TTK: variants seen among roughly 807,000 people sequenced by gnomAD.
TTK encodes the protein TTK protein kinase, also known as dual specificity protein kinase TTK.
A neutral mutation model predicts 117.3 loss-of-function variants in TTK; 59 were observed. The observed-to-expected ratio is 0.50, with a 90% CI of 0.41 to 0.62. The LOEUF is 0.62. Among genes scored for constraint, TTK ranks in the 20% least tolerant of loss-of-function variants. TTK has a pLI of 0.00. For missense variants in TTK, 921 were observed against 989.4 expected (o/e 0.93, Z 0.93); for synonymous variants, 302 against 325.0 (o/e 0.93, Z 0.76).
At chr6:80,040,818 C>A in intron 21 of TTK, 115 bp downstream of exon 21, 1 of 787,596 alleles carries the variant, frequency 1.3e-6, no homozygotes, top group Non-Finnish European at 2.0e-6. Flanking sequence ...AGTTATGAAA[C>A]ATGTTTCTAC....
Position 80,042,154 on chromosome 6 carries a change from T to C in TTK, c.2526T>C (p.His842=), listed in dbSNP as rs1373913644. The C allele has an allele frequency of 1.9e-6, 3 of 1,603,358 alleles. No individual in the cohort carries two copies. The South Asian group carries it at 3.3e-5, about 18-fold the overall frequency. ...LYEHYSGGES[H]NSSSSKTFEK... is the part of the protein sequence containing the mutation. ...AACACTATAGTGGTGGTGAAAGTCA[T>C]AATTCTTCATCCTCCAAGACTTTTG... is the stretch of plus-strand genomic sequence containing the variant. The change falls in exon 22 of 22, where the codon CAT becomes CAC. Residue 842 remains histidine, a synonymous_variant. Transcript: ENST00000369798.
chr6:80,040,132 C>T (rs1329192032), intron 19 of TTK, 64 bp from the exon 20 acceptor site: 1 of 1,250,210 alleles, frequency 8.0e-7, no homozygotes, highest in Non-Finnish European at 1.1e-6. Flanking sequence ...TGGAAAAATA[C>T]TTTATCAATA....
intron 16 of TTK, 119 bp from the exon 17 acceptor site, chr6:80,036,356 T>C: frequency 5.8e-6 from 7 of 1,208,488 alleles, no homozygotes; most frequent in Non-Finnish European, 7.9e-6. Flanking sequence ...TATAAAAAAA[T>C]TATTGAATTG....
chr6:80,017,376 C>A (rs1349121512), intron 10 of TTK, among the ~76,000 whole-genome samples: 1 of 152,194 alleles, frequency 6.6e-6, no homozygotes, highest in Non-Finnish European at 1.5e-5. Context: ...CTCCTGGGCA[C>A]AAGTGATCCT....
At position 80,022,469 on chromosome 6, in the gene TTK, A is replaced by C. The variant is rs1272414063; in HGVS notation, c.1254A>C (p.Thr418=). The C allele has an allele frequency of 6.2e-7, 1 of 1,612,184 alleles. No homozygotes were observed. Among genetic ancestry groups the C allele is most frequent in the South Asian group, 1.1e-5 (1 of 90,268 alleles). ...QIPELARKVN[T]EQKHTTFEQP... Reference sequence around the variant, plus strand: ...CGGAGTTAGCCCGAAAAGTTAATACAGAGGTAACTTTTCCACTAAAGTACA... The same window carrying C: ...CGGAGTTAGCCCGAAAAGTTAATACCGAGGTAACTTTTCCACTAAAGTACA... The change falls in exon 11 of 22, where the codon ACA becomes ACC. Residue 418 remains threonine, a synonymous_variant. Coordinates refer to ENST00000369798, the MANE Select transcript of TTK (RefSeq NM_003318.5).
intron 18 of TTK, among the ~76,000 whole-genome samples, chr6:80,039,386 G>A (rs1159685426): frequency 2.0e-4 from 1 of 4,906 alleles, no homozygotes; most frequent in Admixed American, 1.7e-3. Flanking sequence ...TAATTCTGGG[G>A]AAAACAAACT....
At chr6:80,035,802 G>GT (rs1767891493) in intron 16 of TTK, among the ~76,000 whole-genome samples, 1 of 152,076 alleles carries the variant, frequency 6.6e-6, no homozygotes, top group Admixed American at 6.6e-5. Context: ...TGTGTGAGAA[G>GT]TTGGTTTTTT....
At chr6:80,018,896 G>A (rs1767386293) in intron 10 of TTK, among the ~76,000 whole-genome samples, 1 of 151,704 alleles carries the variant, frequency 6.6e-6, no homozygotes, top group Non-Finnish European at 1.5e-5. Context: ...AGTTTTTTTT[G>A]TGTGACTGGG....
intron 4 of TTK, 73 bp from the exon 5 acceptor site, chr6:80,010,741 A>T: frequency 7.0e-7 from 1 of 1,427,894 alleles, no homozygotes; most frequent in Non-Finnish European, 9.4e-7. Flanking sequence ...GGTCCTGATG[A>T]ATACGTATCT....
In TTK at chr6:80,042,119, A is replaced by G. The variant is rs772138855; in HGVS notation, c.2491A>G (p.Thr831Ala). Residue 831 changes from threonine (T) to alanine (A), a missense_variant and splice_region_variant, in exon 22 of 22, where the codon ACT becomes GCT. Transcript: ENST00000369798. ...ACAGATTTGTGTTTTTTAATTTCAG[A>G]CTTTATATGAACACTATAGTGGTGG... ...SPNSILKAAK[T>A]LYEHYSGGES... 5 of 1,546,474 alleles carry G rather than the reference A, an allele frequency of 3.2e-6. No homozygotes were observed. The highest frequency in any genetic ancestry group is 4.4e-6 in the Non-Finnish European group (5 of 1,144,404).
chr6:80,017,021 A>G (rs1767324522), intron 10 of TTK, among the ~76,000 whole-genome samples: 2 of 152,226 alleles, frequency 1.3e-5, no homozygotes, highest in Non-Finnish European at 2.9e-5. Context: ...ATATCCTGCC[A>G]TCAGGCAAGA....
chr6:80,042,212 A>C lies in TTK; in HGVS notation c.*10A>C. 2 of 1,580,660 alleles carry C rather than the reference A, an allele frequency of 1.3e-6. No individual in the cohort carries two copies. ...AAGGGGAAAAAAATGATTTGCAGTT[A>C]TTCGTAATGTCAGATACCACCTATA... On this transcript the variant is annotated 3_prime_UTR_variant, in exon 22 of 22. Transcript: ENST00000369798.
At chr6:80,028,302 TTTA>T (rs1767661132) in intron 13 of TTK, among the ~76,000 whole-genome samples, 2 of 24,518 alleles carry the variant, frequency 8.2e-5, no homozygotes, top group African/African-American at 4.0e-4. Flanking sequence ...TTTATTTTTA[TTTA>T]TTTATTTATT....
chr6:80,042,188 AG>A lies in TTK; in HGVS notation c.2564del (p.Gly855GlufsTer38). 2.9e-5 allele frequency: 47 copies of A among 1,600,734 alleles called. No homozygotes were observed. The highest frequency in any genetic ancestry group is 4.0e-5 in the Non-Finnish European group (47 of 1,171,374). The part of the protein sequence containing the change: ...SSSSKTFEKK[R>X]GKK Reference sequence around the variant, plus strand: ...ATCCTCCAAGACTTTTGAAAAAAAAAGGGGAAAAAAATGATTTGCAGTTATT... The same window carrying A: ...ATCCTCCAAGACTTTTGAAAAAAAAAGGGAAAAAAATGATTTGCAGTTATT... On this transcript the variant is annotated frameshift_variant, in exon 22 of 22. Transcript: ENST00000369798. LOFTEE classifies it high-confidence loss of function.
intron 13 of TTK, among the ~76,000 whole-genome samples, chr6:80,028,757 A>G (rs1233594639): frequency 6.6e-6 from 1 of 152,216 alleles, no homozygotes; most frequent in Non-Finnish European, 1.5e-5. Context: ...TATTATACTA[A>G]TAACTAAACT....
At chr6:80,010,193 T>C (rs537295424) in intron 4 of TTK, among the ~76,000 whole-genome samples, 108 of 152,132 alleles carry the variant, frequency 7.1e-4, no homozygotes, top group Admixed American at 9.8e-4. Flanking sequence ...ACCAATTTTT[T>C]TGGTAATCTG....
intron 3 of TTK, 142 bp from the exon 4 acceptor site, chr6:80,008,244 T>G (rs2127714689): frequency 9.7e-7 from 1 of 1,029,596 alleles, no homozygotes; most frequent in South Asian, 1.7e-5. Context: ...AAAAAGATTT[T>G]TTTAAAATAA....
At chr6:80,011,631 A>G (rs1182166177) in intron 6 of TTK, 83 bp downstream of exon 6, 27 of 1,538,030 alleles carry the variant, frequency 1.8e-5, no homozygotes, top group Non-Finnish European at 2.3e-5. Flanking sequence ...ATGTATCTGC[A>G]TATATGTTTT....
In TTK at chr6:80,035,370, G is replaced by C; in HGVS notation, c.1877G>C (p.Ser626Thr). 1 of 1,611,030 alleles carries C rather than the reference G, an allele frequency of 6.2e-7. No individual in the cohort carries two copies. The highest frequency in any genetic ancestry group is 1.1e-5 in the South Asian group (1 of 90,390). The part of the protein sequence containing the change: ...KKSIDPWERK[S>T]YWKNMLEAVH... The stretch of plus-strand genomic sequence containing the variant: ...TCCATTGATCCATGGGAACGCAAGA[G>C]TTACTGGAAAAATATGTTAGAGGCA... The change falls in exon 16 of 22, where the codon AGT (serine) becomes ACT (threonine). Residue 626 changes from serine (S) to threonine (T), a missense_variant. Ser to Thr is a moderately conservative substitution (Grantham distance 58). Coordinates refer to ENST00000369798, the MANE Select transcript of TTK (RefSeq NM_003318.5).
Sources: gnomAD v4.1 joint callset for allele counts (sites outside exome capture counted in the v4.1 genomes callset) on GRCh38, gnomAD v4.1.1 for gene constraint, MANE v1.5 for transcripts, NCBI Gene and HGNC (gene_info 2026-07-23, HGNC 2026-07-21) for gene names.